The following EML6 variants were observed in gnomAD, a reference collection of about 807,000 sequenced individuals.
EML6 encodes echinoderm microtubule-associated protein-like 6.
A neutral mutation model predicts 240.1 loss-of-function variants in EML6; 154 were observed. The ratio of observed to expected loss-of-function variants is 0.64; its 90% CI spans 0.56 to 0.73. The LOEUF is 0.73. Among genes scored for constraint, EML6 ranks in the 30% least tolerant of loss-of-function variants. The probability of loss-of-function intolerance (pLI) is 0.00; values close to 1 mark genes in which losing one functional copy is unlikely to be tolerated. For missense variants in EML6, 2,964 were observed against 2,474.6 expected (o/e 1.20, Z -4.20); for synonymous variants, 1,148 against 899.0 (o/e 1.28, Z -4.95).
chr2:54,967,309 C>G, intron 39 of EML6: 1 of 360,734 alleles, frequency 2.8e-6, no homozygotes, highest in Non-Finnish European at 5.1e-6. Context: ...AAATGCGAAG[C>G]CCCTCTTTTT....
chr2:54,959,855 C>T (rs116233217), intron 34 of EML6, among the ~76,000 whole-genome samples: 3,362 of 152,274 alleles, frequency 0.022, 65 homozygotes, highest in South Asian at 0.038. Context: ...TTCTTAGTAG[C>T]TCTGTGGAGG....
At chr2:54,759,264 A>G (rs939129285) in intron 2 of EML6, among the ~76,000 whole-genome samples, 3 of 150,794 alleles carry the variant, frequency 2.0e-5, no homozygotes, top group African/African-American at 7.3e-5. Context: ...CACAGTTTAC[A>G]GTGGCTTTGA....
At chr2:54,899,083 G>T (rs1386911183) in intron 21 of EML6, among the ~76,000 whole-genome samples, 1 of 152,178 alleles carries the variant, frequency 6.6e-6, no homozygotes, top group South Asian at 2.1e-4. Context: ...CACCGAGGAC[G>T]CTTGAAATGA....
intron 17 of EML6, among the ~76,000 whole-genome samples, chr2:54,890,277 A>G (rs919669): frequency 0.14 from 22,031 of 152,130 alleles, 2,030 homozygotes; most frequent in South Asian, 0.28. Context: ...GCTAATATTT[A>G]TGATGTTTGT....
At chr2:54,970,019 C>T in intron 41 of EML6, 52 bp from the exon 42 acceptor site, 2 of 1,546,356 alleles carry the variant, frequency 1.3e-6, no homozygotes, top group Non-Finnish European at 1.8e-6. Context: ...TGCCACTTGA[C>T]ACAAGTATGA....
In EML6 at chr2:54,823,882, G is replaced by T. The variant is rs199849096; in HGVS notation, c.525+3420G>T. On this transcript the variant is annotated intron_variant, in intron 5 of 41. Coordinates refer to ENST00000356458, the MANE Select transcript of EML6 (RefSeq NM_001039753.4). ...TCTCTCTCTCTCTCTCTCTCTTTCTGTCTCTCTCTCTCTCTCTCAGAGAGA... is the reference window on the plus strand; with the variant it reads ...TCTCTCTCTCTCTCTCTCTCTTTCTTTCTCTCTCTCTCTCTCTCAGAGAGA... 1.1e-4 allele frequency among the ~76,000 whole-genome samples: 10 copies of T among 87,698 alleles called. No homozygotes were observed. In the East Asian group the frequency reaches 2.3e-3, roughly 20 times the overall value. 57.5% of individuals were successfully genotyped at this position (87,698 alleles called of 152,430 possible). A position where few individuals can be genotyped will look rare whatever the true frequency, so the allele number is the denominator to read the frequency against.
Position 54,970,183 on chromosome 2 carries a change from C to T in EML6, c.*88C>T, listed in dbSNP as rs1286601160. 13 of 1,340,248 alleles carry T rather than the reference C, an allele frequency of 9.7e-6. No individual in the cohort carries two copies. The highest frequency in any genetic ancestry group is 1.8e-4 in the Middle Eastern group (1 of 5,576). 83.0% of individuals were successfully genotyped at this position (1,340,248 alleles called of 1,614,324 possible). ...GCTGAGGTGCCTCCTTGCCACCAGC[C>T]GTTGGGAAATGCCTACCATGCTGCC... On this transcript the variant is annotated 3_prime_UTR_variant, in exon 42 of 42. Transcript: ENST00000356458.
intron 2 of EML6, among the ~76,000 whole-genome samples, chr2:54,768,814 T>C (rs1668292962): frequency 6.6e-6 from 1 of 152,144 alleles, no homozygotes; most frequent in Non-Finnish European, 1.5e-5. Context: ...AATTTTCTAC[T>C]CAAAGTTTTT....
intron 3 of EML6, 72 bp downstream of exon 3, chr2:54,813,463 C>T: frequency 1.5e-5 from 19 of 1,265,888 alleles, no homozygotes; most frequent in Non-Finnish European, 2.0e-5. Flanking sequence ...TAGGAATAGC[C>T]AGTAGATTCA....
At chr2:54,727,190 A>AGCTATGAAATTGGAATGTTTATGCT (rs1434747440) in intron 2 of EML6, among the ~76,000 whole-genome samples, 1 of 151,116 alleles carries the variant, frequency 6.6e-6, no homozygotes, top group African/African-American at 2.4e-5. Flanking sequence ...AGGGAAAAAG[A>AGCTATGAAATTGGAATGTTTATGCT]GACAGTTAGC....
At chr2:54,823,850 TTCTCTCTCTC>T (rs147852134) in intron 5 of EML6, among the ~76,000 whole-genome samples, 1 of 72,262 alleles carries the variant, frequency 1.4e-5, no homozygotes, top group Non-Finnish European at 2.9e-5. Flanking sequence ...CATTCATTCA[TTCTCTCTCTC>T]TCTCTCTCTC....
chr2:54,928,122 T>C (rs1011806594), intron 26 of EML6, among the ~76,000 whole-genome samples, 191 bp from the exon 27 acceptor site: 1 of 152,230 alleles, frequency 6.6e-6, no homozygotes, highest in African/African-American at 2.4e-5. Flanking sequence ...TGAGGACCTA[T>C]TGTGAGCTGG....
intron 17 of EML6, chr2:54,882,871 A>AAAAAAAG (rs962733331): frequency 1.6e-5 from 2 of 128,786 alleles, no homozygotes; most frequent in African/African-American, 3.0e-5. Flanking sequence ...AAAAAAAAAA[A>AAAAAAAG]AAAGAAAGCT....
chr2:54,846,961 C>A (rs575870218), intron 8 of EML6, among the ~76,000 whole-genome samples: 2 of 137,484 alleles, frequency 1.5e-5, no homozygotes, highest in African/African-American at 2.6e-5. Flanking sequence ...GCACTGACAC[C>A]CAGGCTGGAG....
intron 28 of EML6, among the ~76,000 whole-genome samples, chr2:54,938,035 G>A (rs1336393144): frequency 6.6e-6 from 1 of 152,192 alleles, no homozygotes; most frequent in Non-Finnish European, 1.5e-5. Flanking sequence ...TGTGAATGAT[G>A]GAAAAGTGAT....
intron 32 of EML6, among the ~76,000 whole-genome samples, chr2:54,956,587 A>G (rs1676243105): frequency 6.6e-6 from 1 of 152,054 alleles, no homozygotes; most frequent in South Asian, 2.1e-4. Context: ...TAAGTCAGAG[A>G]TTCCATATGC....
chr2:54,772,986 G>A (rs911169345), intron 2 of EML6, among the ~76,000 whole-genome samples: 1 of 152,222 alleles, frequency 6.6e-6, no homozygotes, highest in African/African-American at 2.4e-5. Context: ...TTAGGCCCAG[G>A]GTAGGGCAAC....
chr2:54,795,267 G>C (rs1558554565), intron 2 of EML6, among the ~76,000 whole-genome samples: 1 of 152,188 alleles, frequency 6.6e-6, no homozygotes, highest in Admixed American at 6.5e-5. Flanking sequence ...AGGTAAAGGG[G>C]AAGCAGGGCA....
chr2:54,769,472 T>C (rs970651188), intron 2 of EML6, among the ~76,000 whole-genome samples: 6 of 152,200 alleles, frequency 3.9e-5, no homozygotes, highest in African/African-American at 7.2e-5. Flanking sequence ...CTGTAAGACA[T>C]TGAAAACTAC....
Sources: gnomAD v4.1 joint callset for allele counts (sites outside exome capture counted in the v4.1 genomes callset) on GRCh38, gnomAD v4.1.1 for gene constraint, MANE v1.5 for transcripts, NCBI Gene and HGNC (gene_info 2026-07-23, HGNC 2026-07-21) for gene names.